Variants in FAM186A observed in about 807,000 individuals in gnomAD.
FAM186A encodes family with sequence similarity 186 member A.
Under a neutral mutation model 216.8 loss-of-function variants are expected in FAM186A, and 163 were observed. The observed-to-expected ratio is 0.75, with a 90% confidence interval of 0.66 to 0.86. The LOEUF (loss-of-function observed/expected upper bound fraction) is 0.86, where lower values mean the gene tolerates loss of function less well. Among genes scored for constraint, FAM186A ranks in the 40% least tolerant of loss-of-function variants. The pLI, the probability that FAM186A is intolerant of heterozygous loss-of-function variation, is 0.00. For missense variants in FAM186A, 2,184 were observed against 2,746.2 expected, an observed-to-expected ratio of 0.80 and a Z score of 4.58; for synonymous variants, 805 against 1,025.3, an observed-to-expected ratio of 0.79 and a Z score of 4.10.
intron 1 of FAM186A, among the ~76,000 whole-genome samples, chr12:50,378,594 T>TATATATATACACATAC (rs1222570735): frequency 0.011 from 436 of 38,638 alleles, 6 homozygotes; most frequent in African/African-American, 0.034. Context: ...AAATTGTATA[T>TATATATATACACATAC]ATATATATAC....
Position 50,356,213 on chromosome 12 carries a change from T to A in FAM186A, c.619A>T (p.Arg207Ter). 1 of 1,550,324 alleles carries A rather than the reference T, an allele frequency of 6.5e-7. No individual in the cohort carries two copies. The highest frequency in any genetic ancestry group is 8.7e-7 in the Non-Finnish European group (1 of 1,146,666). ...GCTGTTGAAGGTCGTTTTATAACTCTTTCTTTCCAAGATTTCCATAGAGTA... is the reference window on the plus strand; with the variant it reads ...GCTGTTGAAGGTCGTTTTATAACTCATTCTTTCCAAGATTTCCATAGAGTA... ...RGTLWKSWKE[R>*]VIKRPSTARA... is the part of the protein sequence containing the mutation. Residue 207 changes from arginine to a stop codon, truncating the protein, a stop_gained, in exon 4 of 8, where the codon AGA (arginine) becomes TGA (stop). Transcript: ENST00000327337. LOFTEE classifies it high-confidence loss of function.
chr12:50,341,222 C>G (rs1942760149), intron 4 of FAM186A, among the ~76,000 whole-genome samples: 1 of 152,188 alleles, frequency 6.6e-6, no homozygotes. Context: ...TACAGAGGCT[C>G]TACAGAAATC....
chr12:50,372,827 G>A (rs1456615981), intron 1 of FAM186A, among the ~76,000 whole-genome samples: 8 of 150,000 alleles, frequency 5.3e-5, no homozygotes, highest in Admixed American at 6.7e-5. Context: ...CTTGAACCCC[G>A]GAGGCAGAGG....
At chr12:50,358,475 C>A (rs377681921) in intron 3 of FAM186A, among the ~76,000 whole-genome samples, 42 of 151,838 alleles carry the variant, frequency 2.8e-4, no homozygotes, top group Non-Finnish European at 6.0e-4. Flanking sequence ...CCCAGCTACT[C>A]AGGAGACTGA....
intron 7 of FAM186A, among the ~76,000 whole-genome samples, chr12:50,327,799 C>A (rs1454622845): frequency 6.6e-6 from 1 of 152,074 alleles, no homozygotes; most frequent in Non-Finnish European, 1.5e-5. Flanking sequence ...CCCGCCTTGG[C>A]CTCCCAAAGT....
chr12:50,333,857 A>G, intron 5 of FAM186A, 54 bp downstream of exon 5: 1 of 1,474,836 alleles, frequency 6.8e-7, no homozygotes, highest in African/African-American at 1.4e-5. Flanking sequence ...TACAAAGCTT[A>G]CCACTTTCAT....
At chr12:50,373,226 G>A (rs1008609667) in intron 1 of FAM186A, among the ~76,000 whole-genome samples, 3 of 151,900 alleles carry the variant, frequency 2.0e-5, no homozygotes, top group Admixed American at 6.6e-5. Flanking sequence ...GTGAAACCCC[G>A]TCTCTACTGA....
At chr12:50,392,012 C>G (rs1943361348) in intron 1 of FAM186A, among the ~76,000 whole-genome samples, 1 of 151,810 alleles carries the variant, frequency 6.6e-6, no homozygotes, top group African/African-American at 2.4e-5. Flanking sequence ...GGATGAATCT[C>G]AAAATAATTA....
rs116812246 is a variant in FAM186A at position 50,380,123 on chromosome 12, C to T, written c.192+16170G>A. ...AAAACCAACCTGTATTTGGGCTGAC[C>T]CAAAATGGAATATGAATACTAACAA... On this transcript the variant is annotated intron_variant, in intron 1 of 7. Coordinates refer to ENST00000327337, the MANE Select transcript of FAM186A (RefSeq NM_001145475.3). Among the ~76,000 whole-genome samples, 1,356 of 152,036 alleles carry T rather than the reference C, an allele frequency of 8.9e-3. 23 individuals carry two copies. The highest frequency in any genetic ancestry group is 0.029 in the African/African-American group (1,220 of 41,478).
At chr12:50,358,735 C>T (rs1414413896) in intron 3 of FAM186A, among the ~76,000 whole-genome samples, 2 of 151,476 alleles carry the variant, frequency 1.3e-5, no homozygotes, top group Non-Finnish European at 2.9e-5. Context: ...TCAGCCTGGC[C>T]AAGATGGTGA....
rs538113633 is a variant in FAM186A, at chr12:50,360,746, G to A, written c.583+10C>T. ...TCTACTCCAACTCCAAAATCATAAA[G>A]CACCCTTACATATTTTTTTCTTTTG... On this transcript the variant is annotated intron_variant, in intron 3 of 7. Transcript: ENST00000327337. 7.3e-6 allele frequency: 11 copies of A among 1,509,708 alleles called. No individual in the cohort carries two copies. The highest frequency in any genetic ancestry group is 6.2e-6 in the Non-Finnish European group (7 of 1,129,954). 93.5% of individuals were successfully genotyped at this position (1,509,708 alleles called of 1,614,324 possible).
chr12:50,343,192 G>A (rs1236767362), intron 4 of FAM186A, among the ~76,000 whole-genome samples: 2 of 151,842 alleles, frequency 1.3e-5, no homozygotes, highest in Non-Finnish European at 2.9e-5. Context: ...TCCAGCACAG[G>A]CAACATAGCG....
At chr12:50,374,438 A>AAAAATAGC (rs1943178621) in intron 1 of FAM186A, among the ~76,000 whole-genome samples, 1 of 152,184 alleles carries the variant, frequency 6.6e-6, no homozygotes, top group Non-Finnish European at 1.5e-5. Flanking sequence ...AATATCCTTA[A>AAAAATAGC]AAAATAGCAT....
In FAM186A at chr12:50,360,929, T is replaced by C. The variant is rs1347891130; in HGVS notation, c.413-3A>G. ...AGTCATCTCAGACAAAACATCATCTTGAAGAGAGTAAAAAAAAAATCATTT... is the reference window on the plus strand; with the variant it reads ...AGTCATCTCAGACAAAACATCATCTCGAAGAGAGTAAAAAAAAAATCATTT... On this transcript the variant is annotated splice_polypyrimidine_tract_variant and splice_region_variant and intron_variant, in intron 2 of 7. Coordinates refer to ENST00000327337, the MANE Select transcript of FAM186A (RefSeq NM_001145475.3). 1 of 1,524,848 alleles carries C rather than the reference T, an allele frequency of 6.6e-7. No homozygotes were observed. Among genetic ancestry groups the C allele is most frequent in the Non-Finnish European group, 8.8e-7 (1 of 1,139,630 alleles). 94.5% of individuals were successfully genotyped at this position (1,524,848 alleles called of 1,614,324 possible).
chr12:50,386,842 A>C (rs1458511887), intron 1 of FAM186A, among the ~76,000 whole-genome samples: 1 of 150,160 alleles, frequency 6.7e-6, no homozygotes, highest in Non-Finnish European at 1.5e-5. Context: ...GTGCCACTGC[A>C]CTCCAGCCTG....
At position 50,351,841 on chromosome 12, in the gene FAM186A, G is replaced by C. The variant is rs1942885886; in HGVS notation, c.4991C>G (p.Thr1664Ser). 6.5e-7 allele frequency: 1 copy of C among 1,544,974 alleles called. No individual in the cohort carries two copies. Among genetic ancestry groups the C allele is most frequent in the Non-Finnish European group, 8.7e-7 (1 of 1,143,488 alleles). Reference protein sequence around the residue: ...VNAWVSAVTLTSEQTHALESP... With the variant: ...VNAWVSAVTLSSEQTHALESP... ...CTCCAAAGCGTGGGTTTGCTCAGAGGTAAGAGTGACAGCTGACACCCAGGC... is the reference window on the plus strand; with the variant it reads ...CTCCAAAGCGTGGGTTTGCTCAGAGCTAAGAGTGACAGCTGACACCCAGGC... Residue 1664 changes from threonine (T) to serine (S), a missense_variant, in exon 4 of 8, where the codon ACC (threonine) becomes AGC (serine). By Grantham distance (58) the Thr-to-Ser change is moderately conservative. Transcript: ENST00000327337.
chr12:50,330,860 A>G, intron 6 of FAM186A, 102 bp from the exon 7 acceptor site: 2 of 1,012,434 alleles, frequency 2.0e-6, no homozygotes, highest in Non-Finnish European at 2.8e-6. Context: ...TTGTCCTATA[A>G]TGCCTTCCCC....
At chr12:50,369,092 C>G (rs576125869) in intron 1 of FAM186A, among the ~76,000 whole-genome samples, 2 of 151,998 alleles carry the variant, frequency 1.3e-5, no homozygotes, top group South Asian at 4.2e-4. Context: ...AGACCTAACA[C>G]TTATAAAACA....
intron 1 of FAM186A, among the ~76,000 whole-genome samples, chr12:50,370,157 A>G (rs1479913299): frequency 2.1e-5 from 3 of 143,172 alleles, no homozygotes; most frequent in South Asian, 4.4e-4. Flanking sequence ...AGCAAAACTT[A>G]GCCAGGCATG....
Sources: allele counts gnomAD v4.1 joint callset (sites outside exome capture counted in the v4.1 genomes callset), GRCh38; gene constraint gnomAD v4.1.1; transcripts MANE v1.5; gene names NCBI Gene and HGNC (gene_info 2026-07-23, HGNC 2026-07-21).